The following PTCH1 variants were observed in gnomAD, a reference collection of about 807,000 sequenced individuals.
PTCH1 encodes the protein protein patched homolog 1.
PTCH1 carries 14 observed loss-of-function variants against 144.6 expected under a neutral mutation model. That is an observed-to-expected ratio of 0.10 (90% CI 0.06 to 0.15). The LOEUF is 0.15. Ranked by LOEUF, PTCH1 falls within the 10% of genes least tolerant of loss-of-function variation. The probability of loss-of-function intolerance (pLI) is 1.00; values close to 1 mark genes in which losing one functional copy is unlikely to be tolerated. For synonymous variants in PTCH1, 833 were observed against 793.6 expected, an observed-to-expected ratio of 1.05 and a Z score of -0.83; for missense variants, 1,623 against 1,948.3, an observed-to-expected ratio of 0.83 and a Z score of 3.14.
chr9:95,516,866 A>T, exon 1 of PTCH1: 1 of 1,516,398 alleles, frequency 6.6e-7, no homozygotes, highest in Non-Finnish European at 8.9e-7. Flanking sequence ...AGGACCTGTC[A>T]GGGTCACGTG....
Position 95,476,734 on chromosome 9 carries a change from C to A in PTCH1, c.1602+25G>T, listed in dbSNP as rs750746455. On this transcript the variant is annotated intron_variant, in intron 11 of 23. Coordinates refer to ENST00000331920, the MANE Select transcript of PTCH1 (RefSeq NM_000264.5). This position sits in a 1 kb window ranked among gnomAD's most constrained non-coding sequence, Gnocchi z 4.6. The stretch of plus-strand genomic sequence containing the variant: ...AGAGGAAGCTGTGATGTCCCCAAAG[C>A]TCTCTTCTTTTGTTTTTGCATTACC... 7 of 1,598,908 alleles carry A rather than the reference C, an allele frequency of 4.4e-6. No individual in the cohort carries two copies. In the East Asian group the frequency reaches 1.6e-4, roughly 36 times the overall value.
At position 95,508,930 on chromosome 9, in the gene PTCH1, G is replaced by C. The variant is rs1443898545; in HGVS notation, c.-569C>G. ...GCCCGGCGGGTCTCAGCGCTGCCGG[G>C]CCCGGGCAGCCGCAGCTGCCGCTGC... On this transcript the variant is annotated 5_prime_UTR_variant, in exon 1 of 24. Transcript: ENST00000331920. Among the ~76,000 whole-genome samples the C allele has an allele frequency of 1.3e-5, 2 of 150,872 alleles. No homozygotes were observed. Among genetic ancestry groups the C allele is most frequent in the South Asian group, 4.2e-4 (2 of 4,772 alleles).
intron 16 of PTCH1, among the ~76,000 whole-genome samples, chr9:95,460,728 T>G (rs929399830): frequency 6.6e-6 from 1 of 152,162 alleles, no homozygotes; most frequent in Non-Finnish European, 1.5e-5. Context: ...CCTCTGTGCA[T>G]GCAGCACGCC....
At chr9:95,452,619 A>G (rs1341853916) in intron 20 of PTCH1, 2 of 152,232 alleles carry the variant, frequency 1.3e-5, no homozygotes, top group Non-Finnish European at 2.9e-5. Flanking sequence ...TCACAAAGTC[A>G]TATTCTTAAT....
chr9:95,460,348 C>T (rs527475036), intron 16 of PTCH1, among the ~76,000 whole-genome samples: 6 of 152,276 alleles, frequency 3.9e-5, no homozygotes, highest in South Asian at 2.1e-4. Context: ...ATCTTATTCC[C>T]GGAGGTCGTA....
At chr9:95,470,007 G>T in intron 12 of PTCH1, 76 bp from the exon 13 acceptor site, 1 of 1,062,172 alleles carries the variant, frequency 9.4e-7, no homozygotes, top group Non-Finnish European at 1.5e-6. Flanking sequence ...AAATAAAGAT[G>T]CTTTTAAACA....
intron 2 of PTCH1, among the ~76,000 whole-genome samples, chr9:95,505,794 C>T (rs1282101038): frequency 1.3e-5 from 2 of 151,678 alleles, no homozygotes; most frequent in Admixed American, 6.6e-5. Context: ...TTTTTTGTAC[C>T]TTGAGACAAA....
chr9:95,493,526 C>T (rs558258977), intron 2 of PTCH1, among the ~76,000 whole-genome samples: 1 of 152,290 alleles, frequency 6.6e-6, no homozygotes, highest in South Asian at 2.1e-4. Context: ...CTCAAAAAGT[C>T]AATCAGTCAA....
Position 95,449,517 on chromosome 9 carries a change from C to G in PTCH1, c.3550-194G>C. On this transcript the variant is annotated intron_variant, in intron 21 of 23. Transcript: ENST00000331920. The surrounding 1 kb of genome is among the most constrained non-coding windows in gnomAD (Gnocchi z 5.3). Reference sequence around the variant, plus strand: ...CCGCAGCTGGAGCAGAAGAACTGTCCTCTGCTCCACACTGGAAAGGCAGGA... The same window carrying G: ...CCGCAGCTGGAGCAGAAGAACTGTCGTCTGCTCCACACTGGAAAGGCAGGA... The G allele has an allele frequency of 1.4e-6, 1 of 738,848 alleles. No homozygotes were observed. Among genetic ancestry groups the G allele is most frequent in the South Asian group, 1.7e-5 (1 of 57,202 alleles). The allele number at this position is 738,848 out of a possible 1,614,324, so 45.8% of individuals were successfully genotyped here. A position where few individuals can be genotyped will look rare whatever the true frequency, so the allele number is the denominator to read the frequency against.
intron 2 of PTCH1, among the ~76,000 whole-genome samples, chr9:95,499,900 A>C (rs1331029335): frequency 6.6e-6 from 1 of 151,894 alleles, no homozygotes; most frequent in South Asian, 2.1e-4. Context: ...TTCTCCGCCC[A>C]ATTGTGACTC....
intron 23 of PTCH1, 89 bp downstream of exon 23, chr9:95,446,822 C>A (rs900857038): frequency 1.4e-5 from 22 of 1,556,450 alleles, no homozygotes; most frequent in Non-Finnish European, 1.9e-5. Context: ...CGCCACAGCC[C>A]CTCGGGGATG....
exon 1 of PTCH1, chr9:95,516,796 G>A (rs1310208582): frequency 5.0e-6 from 8 of 1,611,746 alleles, no homozygotes; most frequent in Non-Finnish European, 6.8e-6. Flanking sequence ...ACAATTACAA[G>A]CCTGTTTCTA....
intron 18 of PTCH1, among the ~76,000 whole-genome samples, 161 bp from the exon 19 acceptor site, chr9:95,456,574 C>G (rs1160324680): frequency 6.6e-6 from 1 of 152,226 alleles, no homozygotes; most frequent in East Asian, 1.9e-4. Flanking sequence ...CCTAATTCAT[C>G]TTCCCGCTGG....
intron 15 of PTCH1, among the ~76,000 whole-genome samples, chr9:95,462,314 G>C (rs576973445): frequency 2.0e-5 from 3 of 152,166 alleles, no homozygotes; most frequent in African/African-American, 7.2e-5. Flanking sequence ...GCAAGAGTGC[G>C]ACGGAAAGAC....
In PTCH1 at chr9:95,469,099, G is replaced by T. The variant is rs761015917; in HGVS notation, c.1902C>A (p.His634Gln). ...QVEPQAYTDTHDNTRYSPPPP... is the reference protein window; with the variant it reads ...QVEPQAYTDTQDNTRYSPPPP... ...GTGGGGGGCTGTAGCGGGTATTGTC[G>T]TGTGTGTCGGTGTAGGCCTGAGGTT... The change falls in exon 14 of 24, where the codon CAC (histidine) becomes CAA (glutamine). Residue 634 changes from histidine (H) to glutamine (Q), a missense_variant. This residue lies in a region of PTCH1 where 179 missense variants were observed against 165.7 expected (regional missense o/e 1.08). Transcript: ENST00000331920. The T allele has an allele frequency of 6.2e-7, 1 of 1,614,068 alleles. No individual in the cohort carries two copies. Among genetic ancestry groups the T allele is most frequent in the Non-Finnish European group, 8.5e-7 (1 of 1,180,032 alleles).
At position 95,504,022 on chromosome 9, in the gene PTCH1, CAAAAAAAAAAAAAAAAAAAAAAAAA is replaced by C. The variant is rs58747037; in HGVS notation, c.394+2360_394+2384del. On this transcript the variant is annotated intron_variant, in intron 2 of 23. Transcript: ENST00000331920. ...TGGGCGACAGAGCGAGACTCCGTCT[CAAAAAAAAAAAAAAAAAAAAAAAAA>C]AAAAAAAAAAAAAAAAAGATAATAA... 1.5e-3 allele frequency among the ~76,000 whole-genome samples: 10 copies of C among 6,712 alleles called. 4 individuals are homozygous for C. The highest frequency in any genetic ancestry group is 2.3e-3 in the Non-Finnish European group (10 of 4,440). 4.4% of individuals were successfully genotyped at this position (6,712 alleles called of 152,430 possible). A position where few individuals can be genotyped will look rare whatever the true frequency, so the allele number is the denominator to read the frequency against.
Position 95,475,925 on chromosome 9 carries a change from A to G in PTCH1, c.1728+109T>C. On this transcript the variant is annotated intron_variant, in intron 12 of 23. Transcript: ENST00000331920. Reference sequence around the variant, plus strand: ...CAGAGCCTCAAACACAGGCATTTCTATTTCACTTCATAAGTAACTGAAGTG... The same window carrying G: ...CAGAGCCTCAAACACAGGCATTTCTGTTTCACTTCATAAGTAACTGAAGTG... 3.9e-6 allele frequency: 6 copies of G among 1,533,206 alleles called. No homozygotes were observed. In the Admixed American group the frequency reaches 8.6e-5, roughly 22 times the overall value. The allele number at this position is 1,533,206 out of a possible 1,614,324, so 95.0% of individuals were successfully genotyped here. A position where few individuals can be genotyped will look rare whatever the true frequency, so the allele number is the denominator to read the frequency against.
intron 1 of PTCH1, chr9:95,507,169 T>A: frequency 1.0e-6 from 1 of 985,410 alleles, no homozygotes; most frequent in Non-Finnish European, 1.2e-6. Flanking sequence ...CGCATTTCCA[T>A]AGCGTGGGGA....
chr9:95,459,627 C>CGGA lies in PTCH1; in HGVS notation c.2859_2860insTCC (p.Ala953_Asp954insSer). The CGGA allele has an allele frequency of 6.2e-7, 1 of 1,614,020 alleles. No individual in the cohort carries two copies. Among genetic ancestry groups the CGGA allele is most frequent in the Non-Finnish European group, 8.5e-7 (1 of 1,180,032 alleles). On this transcript the variant is annotated inframe_insertion, in exon 17 of 24. Coordinates refer to ENST00000331920, the MANE Select transcript of PTCH1 (RefSeq NM_000264.5). ...CTCAGCCTTGTTTCAGGCATGTAGTCGGCTTTGTCGTGGACCCATTCTGGT... is the reference window on the plus strand; with the variant it reads ...CTCAGCCTTGTTTCAGGCATGTAGTCGGAGGCTTTGTCGTGGACCCATTCTGGT...
Sources: allele counts gnomAD v4.1 joint callset (sites outside exome capture counted in the v4.1 genomes callset), GRCh38; gene constraint gnomAD v4.1.1; regional missense constraint gnomAD v4.1.1; non-coding constraint Gnocchi (gnomAD v3.1); transcripts MANE v1.5; gene names NCBI Gene and HGNC (gene_info 2026-07-23, HGNC 2026-07-21).